The following RAB38 variants were observed in gnomAD, a reference collection of about 807,000 sequenced individuals.
The protein encoded by RAB38 is RAB38, member RAS oncogene family, also known as ras-related protein Rab-38.
In RAB38, 15 loss-of-function variants were observed where a neutral mutation model predicts 18.4. The observed-to-expected ratio is 0.82, with a 90% CI of 0.55 to 1.26. The LOEUF (loss-of-function observed/expected upper bound fraction) is 1.26, where lower values mean the gene tolerates loss of function less well. RAB38 is among the 50% of genes most tolerant of loss of function. The pLI is 0.00. For missense variants in RAB38, 294 were observed against 267.4 expected, an observed-to-expected ratio of 1.10 and a Z score of -0.69; for synonymous variants, 101 against 104.4, an observed-to-expected ratio of 0.97 and a Z score of 0.20.
At chr11:87,959,174 T>C in the RAB38 span, among the ~76,000 whole-genome samples, 1 of 152,062 alleles carries the variant, frequency 6.6e-6, no homozygotes, top group Admixed American at 6.6e-5. Context: ...TTGTGTTTGA[T>C]AAGGAATTAA....
At chr11:88,129,622 C>A (rs894231759) in intron 2 of RAB38, among the ~76,000 whole-genome samples, 34 of 152,018 alleles carry the variant, frequency 2.2e-4, no homozygotes, top group Non-Finnish European at 2.1e-4. Context: ...GCAGTCTGGG[C>A]GACAAAGTGA....
At chr11:88,012,441 G>T in the RAB38 span, among the ~76,000 whole-genome samples, 11 of 152,146 alleles carry the variant, frequency 7.2e-5, no homozygotes, top group Non-Finnish European at 1.0e-4. Flanking sequence ...CACGGAAGGA[G>T]TATATGGAAC....
chr11:88,028,735 G>C, the RAB38 span, among the ~76,000 whole-genome samples: 2 of 152,186 alleles, frequency 1.3e-5, no homozygotes, highest in African/African-American at 4.8e-5. Context: ...TATGTGAAAA[G>C]ACCAAATCTA....
At chr11:87,967,862 A>C in the RAB38 span, among the ~76,000 whole-genome samples, 5 of 152,222 alleles carry the variant, frequency 3.3e-5, no homozygotes, top group Admixed American at 3.3e-4. Context: ...GCATAATAGG[A>C]AATGCCCTGC....
At chr11:87,976,364 A>G in the RAB38 span, among the ~76,000 whole-genome samples, 2 of 141,862 alleles carry the variant, frequency 1.4e-5, no homozygotes, top group African/African-American at 5.1e-5. Flanking sequence ...AAATATAAAA[A>G]ATATATACAA....
chr11:88,060,743 A>G, the RAB38 span, among the ~76,000 whole-genome samples: 1 of 152,222 alleles, frequency 6.6e-6, no homozygotes, highest in Non-Finnish European at 1.5e-5. Flanking sequence ...AGCTGCCAGT[A>G]GCACCACCCC....
chr11:87,876,974 A>G, the RAB38 span, among the ~76,000 whole-genome samples: 2 of 151,634 alleles, frequency 1.3e-5, no homozygotes, highest in Admixed American at 1.3e-4. Context: ...TCTTAAATCA[A>G]CTGTGAAATC....
the RAB38 span, among the ~76,000 whole-genome samples, chr11:88,011,873 T>G: frequency 6.6e-6 from 1 of 152,178 alleles, no homozygotes. Flanking sequence ...AATCCTTTGT[T>G]CTTAATTAGT....
the RAB38 span, among the ~76,000 whole-genome samples, chr11:87,890,488 CT>C: frequency 1.3e-5 from 2 of 151,802 alleles, no homozygotes; most frequent in African/African-American, 4.8e-5. Flanking sequence ...ATATCCGATC[CT>C]TGTTACTTTC....
chr11:87,909,756 T>A, the RAB38 span, among the ~76,000 whole-genome samples: 2 of 152,106 alleles, frequency 1.3e-5, no homozygotes, highest in African/African-American at 4.8e-5. Flanking sequence ...TTGTTGGGTG[T>A]TACCAATTGT....
chr11:88,102,786 G>T, the RAB38 span, among the ~76,000 whole-genome samples: 25 of 151,970 alleles, frequency 1.6e-4, no homozygotes, highest in Admixed American at 9.2e-4. Flanking sequence ...AGTCAAATAG[G>T]CATGATGATA....
the RAB38 span, among the ~76,000 whole-genome samples, chr11:88,094,760 T>C: frequency 6.6e-6 from 1 of 151,958 alleles, no homozygotes; most frequent in Non-Finnish European, 1.5e-5. Context: ...TTGATCTCAC[T>C]TTAAATTTGT....
chr11:88,020,792 G>T, the RAB38 span, among the ~76,000 whole-genome samples: 1 of 152,036 alleles, frequency 6.6e-6, no homozygotes, highest in Non-Finnish European at 1.5e-5. Flanking sequence ...ATAACAAGAG[G>T]ACTTTTGGAA....
the RAB38 span, among the ~76,000 whole-genome samples, chr11:88,012,991 T>C: frequency 6.6e-6 from 1 of 152,186 alleles, no homozygotes; most frequent in Non-Finnish European, 1.5e-5. Flanking sequence ...AGCACACACA[T>C]CTCAGGGTGC....
the RAB38 span, among the ~76,000 whole-genome samples, chr11:87,839,104 G>T: frequency 6.6e-6 from 1 of 152,284 alleles, no homozygotes; most frequent in East Asian, 1.9e-4. Flanking sequence ...CTAGTCAGGA[G>T]CCTAGCGAAA....
chr11:87,845,798 A>T, the RAB38 span, among the ~76,000 whole-genome samples: 1 of 152,152 alleles, frequency 6.6e-6, no homozygotes, highest in Admixed American at 6.6e-5. Flanking sequence ...AGAGAAAATG[A>T]CATATTACTT....
At chr11:87,895,147 CT>C in the RAB38 span, among the ~76,000 whole-genome samples, 1 of 151,546 alleles carries the variant, frequency 6.6e-6, no homozygotes, top group South Asian at 2.1e-4. Context: ...GGGTGAATTG[CT>C]CTAGCGGGGC....
the RAB38 span, among the ~76,000 whole-genome samples, chr11:87,884,200 G>A: frequency 1.3e-5 from 2 of 151,810 alleles, no homozygotes; most frequent in South Asian, 4.1e-4. Context: ...TAACTAATGG[G>A]ACAAAACCCC....
At chr11:88,138,151 T>C (rs1454616354) in intron 2 of RAB38, among the ~76,000 whole-genome samples, 1 of 152,130 alleles carries the variant, frequency 6.6e-6, no homozygotes, top group African/African-American at 2.4e-5. Context: ...GTGCTGGCTC[T>C]ACAGGGCATT....
Sources: allele counts gnomAD v4.1 joint callset (sites outside exome capture counted in the v4.1 genomes callset), GRCh38; gene constraint gnomAD v4.1.1; transcripts MANE v1.5; gene names NCBI Gene and HGNC (gene_info 2026-07-23, HGNC 2026-07-21).